Variants in CPVL observed in about 807,000 individuals in gnomAD.
CPVL encodes carboxypeptidase vitellogenic like.
In CPVL, 51 loss-of-function variants were observed where a neutral mutation model predicts 63.7. The ratio of observed to expected loss-of-function variants is 0.80; its 90% CI spans 0.64 to 1.01. The LOEUF (loss-of-function observed/expected upper bound fraction) is 1.01. CPVL is among the 50% of genes least tolerant of loss of function. CPVL has a pLI of 0.00. For synonymous variants in CPVL, 195 were observed against 206.0 expected (o/e 0.95, Z 0.46); for missense variants, 530 against 573.1 (o/e 0.92, Z 0.77).
At chr7:29,122,893 T>A (rs1584326125) in intron 1 of CPVL, among the ~76,000 whole-genome samples, 1 of 152,334 alleles carries the variant, frequency 6.6e-6, no homozygotes, top group East Asian at 1.9e-4. Context: ...GTGCCTCTCT[T>A]GTCTCACCCT....
chr7:29,114,060 G>A (rs915473199), intron 2 of CPVL, among the ~76,000 whole-genome samples: 2 of 152,154 alleles, frequency 1.3e-5, no homozygotes, highest in Non-Finnish European at 2.9e-5. Context: ...TTAGGCTCTG[G>A]AAGGCTAATT....
At chr7:29,157,768 C>T (rs1794614569) in intron 5 of CPVL, among the ~76,000 whole-genome samples, 1 of 151,960 alleles carries the variant, frequency 6.6e-6, no homozygotes, top group Admixed American at 6.6e-5. Context: ...CATTTTTCTG[C>T]CAGAACAAAT....
intron 1 of CPVL, among the ~76,000 whole-genome samples, chr7:29,188,384 C>T (rs1290528681): frequency 6.6e-6 from 1 of 152,146 alleles, no homozygotes; most frequent in Admixed American, 6.5e-5. Flanking sequence ...ACATATTAAA[C>T]TTTCCTAGAA....
intron 5 of CPVL, among the ~76,000 whole-genome samples, chr7:29,170,927 G>T (rs1425006429): frequency 6.6e-6 from 1 of 152,142 alleles, no homozygotes; most frequent in Non-Finnish European, 1.5e-5. Flanking sequence ...ACTATCACAA[G>T]AAAAACATGG....
chr7:29,172,438 A>G (rs934860815), intron 5 of CPVL, among the ~76,000 whole-genome samples: 1 of 152,192 alleles, frequency 6.6e-6, no homozygotes, highest in African/African-American at 2.4e-5. Flanking sequence ...TGTCTCATCT[A>G]TCATCATATT....
intron 7 of CPVL, among the ~76,000 whole-genome samples, chr7:29,075,811 G>C (rs559702475): frequency 6.7e-6 from 1 of 150,210 alleles, no homozygotes; most frequent in African/African-American, 2.5e-5. Context: ...TGACAAATCC[G>C]TCATTGCCTT....
intron 5 of CPVL, among the ~76,000 whole-genome samples, chr7:29,160,572 G>T (rs1311041352): frequency 1.3e-5 from 2 of 152,132 alleles, no homozygotes; most frequent in Non-Finnish European, 2.9e-5. Context: ...GAGGGCTTGG[G>T]AAAGATTTTT....
chr7:29,162,372 A>G lies in CPVL; in HGVS notation c.-11+18918T>C, dbSNP rs545087464. Among the ~76,000 whole-genome samples the G allele has an allele frequency of 2.6e-5, 4 of 152,312 alleles. No individual in the cohort carries two copies. The South Asian group carries it at 6.2e-4, about 24-fold the overall frequency. ...AACAGCTAGGGTGGATCTTAAGAAC[A>G]TTATGATGGCCAGGCGTGGTGGCTC... On this transcript the variant is annotated intron_variant, in intron 5 of 16. Coordinates refer to the CPVL transcript ENST00000409850.
chr7:29,058,866 C>T (rs775470662), intron 11 of CPVL, among the ~76,000 whole-genome samples: 4 of 151,830 alleles, frequency 2.6e-5, no homozygotes, highest in Non-Finnish European at 4.4e-5. Flanking sequence ...ATATGACTTG[C>T]CTCCTTTTCT....
chr7:29,053,889 C>CA (rs1036543437), intron 11 of CPVL, among the ~76,000 whole-genome samples: 1,593 of 60,598 alleles, frequency 0.026, 16 homozygotes, highest in Middle Eastern at 0.052. Context: ...TCTGTTTGTA[C>CA]AAAAAAAAAA....
intron 11 of CPVL, among the ~76,000 whole-genome samples, chr7:29,054,457 T>C (rs936840237): frequency 3.3e-5 from 5 of 152,246 alleles, no homozygotes; most frequent in East Asian, 1.9e-4. Context: ...ATGCCTTCCA[T>C]TGCTGTCACT....
intron 12 of CPVL, among the ~76,000 whole-genome samples, chr7:29,005,022 G>A (rs913484684): frequency 3.3e-5 from 5 of 150,976 alleles, no homozygotes; most frequent in Non-Finnish European, 7.4e-5. Context: ...TCAGCCTCCC[G>A]AGTAGCTGGG....
chr7:29,134,253 T>C (rs1790970565), intron 1 of CPVL, among the ~76,000 whole-genome samples: 1 of 152,174 alleles, frequency 6.6e-6, no homozygotes, highest in Admixed American at 6.6e-5. Context: ...CTGCATTCTC[T>C]TAGAGAAAGA....
chr7:29,156,587 A>T (rs1322267633), intron 5 of CPVL, among the ~76,000 whole-genome samples: 1 of 152,200 alleles, frequency 6.6e-6, no homozygotes, highest in African/African-American at 2.4e-5. Context: ...CATCCCCGAT[A>T]AAGGTCATCT....
At chr7:29,097,766 T>C (rs771612640) in intron 3 of CPVL, among the ~76,000 whole-genome samples, 60 of 152,104 alleles carry the variant, frequency 3.9e-4, no homozygotes, top group Non-Finnish European at 7.8e-4. Flanking sequence ...TAAGAGTCAT[T>C]GGAGGCTGAA....
intron 9 of CPVL, 110 bp downstream of exon 9, chr7:29,071,663 T>G (rs950309551): frequency 4.1e-6 from 5 of 1,231,654 alleles, no homozygotes; most frequent in Non-Finnish European, 5.7e-6. Context: ...ATAACAGATA[T>G]ACCTTCTTAA....
chr7:29,074,534 G>C (rs560702424), intron 7 of CPVL, among the ~76,000 whole-genome samples: 6 of 152,140 alleles, frequency 3.9e-5, no homozygotes, highest in Admixed American at 3.9e-4. Context: ...TTCTGTCAAA[G>C]GCATTGACAT....
chr7:29,136,291 A>G (rs1791219565), intron 1 of CPVL, among the ~76,000 whole-genome samples: 1 of 152,246 alleles, frequency 6.6e-6, no homozygotes, highest in African/African-American at 2.4e-5. Flanking sequence ...CAATCCAAAG[A>G]GGAAATTTTT....
intron 5 of CPVL, among the ~76,000 whole-genome samples, chr7:29,160,740 G>A (rs1156623897): frequency 6.6e-6 from 1 of 152,182 alleles, no homozygotes; most frequent in Non-Finnish European, 1.5e-5. Flanking sequence ...CACTGAGGCA[G>A]AGAGGAAGGG....
Sources: allele counts gnomAD v4.1 joint callset (sites outside exome capture counted in the v4.1 genomes callset), GRCh38; gene constraint gnomAD v4.1.1; transcripts MANE v1.5; gene names NCBI Gene and HGNC (gene_info 2026-07-23, HGNC 2026-07-21).